Variants in CNTN5 observed in about 807,000 individuals in gnomAD.
CNTN5 encodes contactin 5.
Under a neutral mutation model 129.1 loss-of-function variants are expected in CNTN5, and 77 were observed. That is an observed-to-expected ratio of 0.60 (90% CI 0.50 to 0.72). CNTN5 has a LOEUF of 0.72. Among genes scored for constraint, CNTN5 ranks in the 30% least tolerant of loss-of-function variants. CNTN5 has a pLI of 0.00. For missense variants in CNTN5, 1,478 were observed against 1,328.8 expected (o/e 1.11, Z -1.75); for synonymous variants, 509 against 465.6 (o/e 1.09, Z -1.20).
At chr11:99,716,922 T>C (rs1298337667) in intron 3 of CNTN5, among the ~76,000 whole-genome samples, 2 of 152,092 alleles carry the variant, frequency 1.3e-5, no homozygotes, top group East Asian at 1.9e-4. Context: ...GTTTAAGATA[T>C]AGTTTCATAC....
intron 1 of CNTN5, among the ~76,000 whole-genome samples, chr11:99,034,346 A>T (rs1057024656): frequency 2.6e-5 from 4 of 151,840 alleles, no homozygotes; most frequent in African/African-American, 4.8e-5. Flanking sequence ...AAGGAATGGT[A>T]CCAGTTCCTC....
chr11:100,213,916 G>C (rs1171043050), intron 15 of CNTN5, among the ~76,000 whole-genome samples: 1 of 152,020 alleles, frequency 6.6e-6, no homozygotes, highest in Non-Finnish European at 1.5e-5. Flanking sequence ...TCAGAAACTT[G>C]TTTCTAAGCA....
At chr11:99,671,395 A>G (rs1953037613) in intron 3 of CNTN5, among the ~76,000 whole-genome samples, 1 of 152,174 alleles carries the variant, frequency 6.6e-6, no homozygotes, top group Admixed American at 6.6e-5. Flanking sequence ...CAATGTGAAC[A>G]TACATAAGCA....
chr11:100,294,339 T>C (rs1220396710), intron 18 of CNTN5, among the ~76,000 whole-genome samples: 2 of 151,812 alleles, frequency 1.3e-5, no homozygotes, highest in East Asian at 3.9e-4. Context: ...TATATTTTTT[T>C]CATTCTGTGT....
chr11:99,749,269 G>A (rs1219962619), intron 3 of CNTN5, among the ~76,000 whole-genome samples: 3 of 151,732 alleles, frequency 2.0e-5, no homozygotes, highest in Non-Finnish European at 2.9e-5. Context: ...GAGAGAGGGG[G>A]ATTAAAAAAA....
chr11:99,076,421 C>A (rs114467612), intron 1 of CNTN5, among the ~76,000 whole-genome samples: 1 of 151,902 alleles, frequency 6.6e-6, no homozygotes, highest in East Asian at 1.9e-4. Context: ...CTTAACACTC[C>A]CAAATATATA....
intron 8 of CNTN5, among the ~76,000 whole-genome samples, chr11:99,972,681 T>G (rs1951297121): frequency 6.6e-6 from 1 of 152,138 alleles, no homozygotes; most frequent in Non-Finnish European, 1.5e-5. Flanking sequence ...GAACCTACTC[T>G]TTCCCTGGGA....
intron 1 of CNTN5, among the ~76,000 whole-genome samples, chr11:99,241,576 G>A (rs758661211): frequency 1.3e-5 from 2 of 152,078 alleles, no homozygotes; most frequent in Non-Finnish European, 2.9e-5. Context: ...ATATGTGTGT[G>A]TAGGTAGGTA....
chr11:99,941,114 A>C (rs2136110935), intron 7 of CNTN5, among the ~76,000 whole-genome samples: 1 of 152,210 alleles, frequency 6.6e-6, no homozygotes, highest in South Asian at 2.1e-4. Flanking sequence ...GAAAGCAATT[A>C]ATAATCATAT....
chr11:100,126,067 T>G (rs899409513), intron 13 of CNTN5, among the ~76,000 whole-genome samples: 2 of 152,302 alleles, frequency 1.3e-5, no homozygotes, highest in East Asian at 3.9e-4. Flanking sequence ...TACCCAAAAT[T>G]CATTCAGGAG....
chr11:100,258,197 G>A (rs928289704), intron 17 of CNTN5, among the ~76,000 whole-genome samples: 1 of 152,028 alleles, frequency 6.6e-6, no homozygotes, highest in Non-Finnish European at 1.5e-5. Flanking sequence ...AGAAATTGAA[G>A]ATCAACTTAA....
At chr11:99,274,945 A>C (rs1863355104) in intron 1 of CNTN5, among the ~76,000 whole-genome samples, 1 of 151,510 alleles carries the variant, frequency 6.6e-6, no homozygotes, top group Admixed American at 6.6e-5. Flanking sequence ...AATAAATTAC[A>C]ACACATCAAA....
intron 3 of CNTN5, among the ~76,000 whole-genome samples, chr11:99,597,893 G>C (rs912216194): frequency 1.3e-5 from 2 of 152,134 alleles, no homozygotes; most frequent in Non-Finnish European, 2.9e-5. Context: ...GAATGCCATA[G>C]CATCTCCTTG....
At chr11:100,141,292 T>G (rs1274083426) in intron 13 of CNTN5, among the ~76,000 whole-genome samples, 1 of 151,970 alleles carries the variant, frequency 6.6e-6, no homozygotes, top group Non-Finnish European at 1.5e-5. Flanking sequence ...AAAATGAAAT[T>G]AGCCCAATCC....
intron 3 of CNTN5, among the ~76,000 whole-genome samples, chr11:99,645,796 C>T (rs945584406): frequency 4.7e-5 from 7 of 150,446 alleles, no homozygotes; most frequent in South Asian, 2.1e-4. Context: ...TTGGGCCTGT[C>T]GGGGTGGGGG....
chr11:99,612,819 C>G (rs931790770), intron 3 of CNTN5, among the ~76,000 whole-genome samples: 1 of 152,164 alleles, frequency 6.6e-6, no homozygotes, highest in African/African-American at 2.4e-5. Context: ...TCAGAATGCA[C>G]TAAGACAAAA....
rs1946723444 is a variant in CNTN5 at position 99,819,600 on chromosome 11, A to G, written c.112A>G (p.Lys38Glu). ...STSYAALLRI[K>E]KSSSSSLFGS... Reference sequence around the variant, plus strand: ...TTCATATGCTGCTTTGTTAAGAATTAAGAAGAGTTCATCTTCATCTCTCTT... The same window carrying G: ...TTCATATGCTGCTTTGTTAAGAATTGAGAAGAGTTCATCTTCATCTCTCTT... Residue 38 changes from lysine (K) to glutamate (E), a missense_variant, in exon 4 of 25, where the codon AAG becomes GAG. Physicochemically the swap from Lys to Glu is moderately conservative, Grantham distance 56. Transcript: ENST00000524871. 5.6e-6 allele frequency: 9 copies of G among 1,612,952 alleles called. No individual in the cohort carries two copies. Among genetic ancestry groups the G allele is most frequent in the Non-Finnish European group, 7.6e-6 (9 of 1,179,798 alleles).
chr11:99,687,093 T>C (rs563098727), intron 3 of CNTN5, among the ~76,000 whole-genome samples: 1 of 152,192 alleles, frequency 6.6e-6, no homozygotes. Flanking sequence ...ATCCTCATAG[T>C]TATTTATACA....
chr11:99,065,681 C>T lies in CNTN5; in HGVS notation c.-210+44411C>T, dbSNP rs147535191. ...CAAAAAGTTTTAAAGGCTACATGCA[C>T]TTTTGAAACCATACCACCTACACAT... On this transcript the variant is annotated intron_variant, in intron 1 of 24. Coordinates refer to ENST00000524871, the MANE Select transcript of CNTN5 (RefSeq NM_014361.4). 1.6e-3 allele frequency among the ~76,000 whole-genome samples: 240 copies of T among 152,030 alleles called. 1 individual carries two copies. Among genetic ancestry groups the T allele is most frequent in the Middle Eastern group, 6.8e-3 (2 of 292 alleles).
Sources: gnomAD v4.1 joint callset for allele counts (sites outside exome capture counted in the v4.1 genomes callset) on GRCh38, gnomAD v4.1.1 for gene constraint, MANE v1.5 for transcripts, NCBI Gene and HGNC (gene_info 2026-07-23, HGNC 2026-07-21) for gene names.